Variants in PDE1C observed in about 807,000 individuals in gnomAD.
PDE1C encodes the protein phosphodiesterase 1C, also known as dual specificity calcium/calmodulin-dependent 3',5'-cyclic nucleotide phosphodiesterase 1C.
PDE1C carries 62 observed loss-of-function variants against 93.1 expected under a neutral mutation model. That is an observed-to-expected ratio of 0.67 (90% confidence interval 0.54 to 0.82). The LOEUF is 0.82. Among genes scored for constraint, PDE1C ranks in the 40% least tolerant of loss-of-function variants. The pLI is 0.00. For missense variants in PDE1C, 742 were observed against 884.6 expected, an observed-to-expected ratio of 0.84 and a Z score of 2.04; for synonymous variants, 325 against 310.1, an observed-to-expected ratio of 1.05 and a Z score of -0.50.
At chr7:32,075,653 C>T (rs1796310149), upstream of PDE1C, among the ~76,000 whole-genome samples, 1 of 152,266 alleles carries the variant, frequency 6.6e-6, no homozygotes. Context: ...CTCTAGCCCC[C>T]CTCTGAAATG....
chr7:32,392,540 A>G (rs564784093), intron 1 of PDE1C, among the ~76,000 whole-genome samples: 4 of 152,320 alleles, frequency 2.6e-5, no homozygotes, highest in South Asian at 2.1e-4. Flanking sequence ...AAAATCCCCA[A>G]CAAAATACTA....
chr7:31,972,495 T>C (rs1811093452), intron 2 of PDE1C, among the ~76,000 whole-genome samples: 1 of 152,190 alleles, frequency 6.6e-6, no homozygotes, highest in South Asian at 2.1e-4. Context: ...GTAATTCTTA[T>C]TGTCATTGTC....
intron 1 of PDE1C, among the ~76,000 whole-genome samples, chr7:32,219,016 T>C (rs1052264237): frequency 2.6e-5 from 4 of 152,212 alleles, no homozygotes; most frequent in African/African-American, 7.2e-5. Context: ...CTGGTACATA[T>C]CATTCAACTT....
At chr7:31,871,056 A>T (rs1795887092) in intron 6 of PDE1C, among the ~76,000 whole-genome samples, 1 of 151,862 alleles carries the variant, frequency 6.6e-6, no homozygotes, top group South Asian at 2.1e-4. Flanking sequence ...GGAATAGAAT[A>T]AGAAACCCAT....
intron 3 of PDE1C, among the ~76,000 whole-genome samples, chr7:32,167,474 G>C (rs1802370916): frequency 6.6e-6 from 1 of 152,148 alleles, no homozygotes; most frequent in Admixed American, 6.5e-5. Context: ...GGTAATCTAA[G>C]CTGGTGATAA....
intron 2 of PDE1C, among the ~76,000 whole-genome samples, chr7:32,175,196 A>G (rs149255264): frequency 6.6e-6 from 1 of 152,330 alleles, no homozygotes; most frequent in Non-Finnish European, 1.5e-5. Flanking sequence ...ATCTTCTAAA[A>G]AGGCTAGAAA....
chr7:31,727,425 G>T, the PDE1C span, among the ~76,000 whole-genome samples: 1 of 152,224 alleles, frequency 6.6e-6, no homozygotes, highest in South Asian at 2.1e-4. Flanking sequence ...TCTAATGATA[G>T]ACCTTCAGTT....
At chr7:32,078,767 A>T (rs1476706651) in intron 3 of PDE1C, among the ~76,000 whole-genome samples, 4 of 152,066 alleles carry the variant, frequency 2.6e-5, no homozygotes, top group African/African-American at 9.7e-5. Flanking sequence ...TCTACAAAAA[A>T]TTTTTAAAAA....
intron 7 of PDE1C, among the ~76,000 whole-genome samples, chr7:31,856,019 C>T (rs182853861): frequency 7.9e-5 from 12 of 152,230 alleles, no homozygotes; most frequent in Admixed American, 1.3e-4. Context: ...CTGAAAGGAT[C>T]CAAGTATCTT....
intron 2 of PDE1C, among the ~76,000 whole-genome samples, chr7:32,003,714 G>A (rs944997754): frequency 6.6e-6 from 1 of 152,176 alleles, no homozygotes; most frequent in Non-Finnish European, 1.5e-5. Flanking sequence ...TACAGAGACT[G>A]TAGAAAAATG....
chr7:32,134,804 T>C (rs903827600), intron 3 of PDE1C, among the ~76,000 whole-genome samples: 3 of 152,068 alleles, frequency 2.0e-5, no homozygotes, highest in Non-Finnish European at 4.4e-5. Flanking sequence ...AGATAGCTAA[T>C]GCATGTGGGG....
intron 15 of PDE1C, among the ~76,000 whole-genome samples, chr7:31,814,391 T>G (rs1395949890): frequency 6.6e-6 from 1 of 151,766 alleles, no homozygotes; most frequent in African/African-American, 2.4e-5. Flanking sequence ...GCAGGACGAG[T>G]CGGGACAATG....
At chr7:31,772,175 A>G (rs1285340676) in intron 17 of PDE1C, among the ~76,000 whole-genome samples, 1 of 151,998 alleles carries the variant, frequency 6.6e-6, no homozygotes, top group East Asian at 1.9e-4. Context: ...GCACTTTATG[A>G]CTAATGCTCT....
chr7:32,114,103 A>G (rs753878859), intron 3 of PDE1C, among the ~76,000 whole-genome samples: 2 of 152,182 alleles, frequency 1.3e-5, no homozygotes, highest in African/African-American at 2.4e-5. Flanking sequence ...TACCATTGCC[A>G]TTCTTCACAG....
At chr7:32,321,474 G>A (rs920215770) in intron 1 of PDE1C, among the ~76,000 whole-genome samples, 2 of 152,154 alleles carry the variant, frequency 1.3e-5, no homozygotes, top group African/African-American at 4.8e-5. Context: ...TTACTTTTGG[G>A]TGGCTGTGGG....
intron 2 of PDE1C, among the ~76,000 whole-genome samples, chr7:32,201,753 G>A (rs1211311552): frequency 6.6e-6 from 1 of 152,164 alleles, no homozygotes; most frequent in Non-Finnish European, 1.5e-5. Flanking sequence ...TTTTATTGGT[G>A]GTAGAATGGC....
chr7:32,021,049 C>T (rs1399427541), intron 2 of PDE1C, among the ~76,000 whole-genome samples: 1 of 152,066 alleles, frequency 6.6e-6, no homozygotes, highest in Non-Finnish European at 1.5e-5. Flanking sequence ...AAAGAGCTCC[C>T]CAGGTCACTC....
At chr7:31,626,404 A>T in the PDE1C span, among the ~76,000 whole-genome samples, 1 of 152,206 alleles carries the variant, frequency 6.6e-6, no homozygotes, top group Non-Finnish European at 1.5e-5. Flanking sequence ...GTCACTGATA[A>T]CTTTTAAAAT....
chr7:31,685,080 A>G, the PDE1C span, among the ~76,000 whole-genome samples: 1 of 152,050 alleles, frequency 6.6e-6, no homozygotes, highest in Non-Finnish European at 1.5e-5. Flanking sequence ...AATTATTGAC[A>G]CACACAACAA....
Sources: allele counts gnomAD v4.1 joint callset (sites outside exome capture counted in the v4.1 genomes callset), GRCh38; gene constraint gnomAD v4.1.1; transcripts MANE v1.5; gene names NCBI Gene and HGNC (gene_info 2026-07-23, HGNC 2026-07-21).